BBS4: variants seen among roughly 807,000 people sequenced by gnomAD.
The protein encoded by BBS4 is Bardet-Biedl syndrome 4.
Under a neutral mutation model 71.4 loss-of-function variants are expected in BBS4, and 58 were observed. The observed-to-expected ratio is 0.81, with a 90% CI of 0.66 to 1.01. The LOEUF (loss-of-function observed/expected upper bound fraction) is 1.01. BBS4 is among the 50% of genes least tolerant of loss of function. The probability of loss-of-function intolerance (pLI) is 0.00; values close to 1 mark genes in which losing one functional copy is unlikely to be tolerated. For synonymous variants in BBS4, 228 were observed against 216.8 expected (o/e 1.05, Z -0.46); for missense variants, 660 against 607.9 (o/e 1.09, Z -0.90).
At chr15:72,735,263 C>A in intron 13 of BBS4, 81 bp downstream of exon 13, 1 of 1,084,104 alleles carries the variant, frequency 9.2e-7, no homozygotes, top group Non-Finnish European at 1.4e-6. Context: ...AGCATTGGTG[C>A]TGCCTGTGTC....
intron 15 of BBS4, 137 bp downstream of exon 15, chr15:72,737,100 A>C (rs2065941463): frequency 9.0e-7 from 1 of 1,110,166 alleles, no homozygotes; most frequent in East Asian, 2.4e-5. Context: ...GGAGAAAAAA[A>C]ACACAGGGTG....
At chr15:72,707,679 C>T (rs929210695) in intron 2 of BBS4, among the ~76,000 whole-genome samples, 3 of 152,112 alleles carry the variant, frequency 2.0e-5, no homozygotes, top group African/African-American at 7.2e-5. Context: ...CTTCCCTCTT[C>T]CTTCCTTGAG....
intron 6 of BBS4, among the ~76,000 whole-genome samples, chr15:72,718,169 T>C (rs943005261): frequency 2.6e-5 from 4 of 152,210 alleles, no homozygotes; most frequent in African/African-American, 9.6e-5. Flanking sequence ...TTTTATTATA[T>C]GTTCAGGACA....
intron 1 of BBS4, among the ~76,000 whole-genome samples, chr15:72,687,888 T>G (rs868844134): frequency 6.6e-6 from 1 of 150,512 alleles, no homozygotes; most frequent in Non-Finnish European, 1.5e-5. Flanking sequence ...GCCGAGATCG[T>G]GCCATTTCAC....
At chr15:72,689,587 G>C (rs2064943803) in intron 1 of BBS4, among the ~76,000 whole-genome samples, 1 of 152,022 alleles carries the variant, frequency 6.6e-6, no homozygotes. Flanking sequence ...ACAAAAATTA[G>C]CCAGACGTGG....
chr15:72,704,713 C>T (rs939814748), intron 2 of BBS4, among the ~76,000 whole-genome samples: 1 of 152,018 alleles, frequency 6.6e-6, no homozygotes, highest in Non-Finnish European at 1.5e-5. Context: ...AACCCCATTT[C>T]TACTAAAAAT....
Position 72,737,467 on chromosome 15 carries a change from T to G in BBS4, c.1451-11T>G. 6.2e-7 allele frequency: 1 copy of G among 1,604,176 alleles called. No individual in the cohort carries two copies. The highest frequency in any genetic ancestry group is 1.3e-5 in the African/African-American group (1 of 74,912). On this transcript the variant is annotated splice_polypyrimidine_tract_variant and intron_variant, in intron 15 of 15. Coordinates refer to ENST00000268057, the MANE Select transcript of BBS4 (RefSeq NM_033028.5). ...GGAACATGAGGATTCAAGTTTTTATTTTGTTACTAGGTGCTGGAGGAACAT... is the reference window on the plus strand; with the variant it reads ...GGAACATGAGGATTCAAGTTTTTATGTTGTTACTAGGTGCTGGAGGAACAT...
intron 7 of BBS4, among the ~76,000 whole-genome samples, chr15:72,723,285 G>C (rs1702020381): frequency 6.6e-6 from 1 of 152,074 alleles, no homozygotes; most frequent in Non-Finnish European, 1.5e-5. Context: ...TGATTTCTGA[G>C]TTTTCAGTTT....
At chr15:72,730,434 C>T (rs1163265660) in intron 10 of BBS4, among the ~76,000 whole-genome samples, 2 of 151,708 alleles carry the variant, frequency 1.3e-5, no homozygotes. Flanking sequence ...CCCATTTCTA[C>T]AAAAAAAATT....
chr15:72,736,479 A>G (rs1388892763), intron 14 of BBS4, among the ~76,000 whole-genome samples: 1 of 151,982 alleles, frequency 6.6e-6, no homozygotes, highest in South Asian at 2.1e-4. Flanking sequence ...TGACCTCGTG[A>G]TCCACGTGCC....
At position 72,715,403 on chromosome 15, in the gene BBS4, G is replaced by C; in HGVS notation, c.332+1G>C. 6.2e-7 allele frequency: 1 copy of C among 1,605,502 alleles called. No homozygotes were observed. The highest frequency in any genetic ancestry group is 8.5e-7 in the Non-Finnish European group (1 of 1,172,236). ...ACCTCAAGCAGGTGGCCAGATCTTT[G>C]TGAGTATTGGCAACCTGGAGGCCCT... On this transcript the variant is annotated splice_donor_variant, in intron 5 of 15. Coordinates refer to ENST00000268057, the MANE Select transcript of BBS4 (RefSeq NM_033028.5). LOFTEE classifies it high-confidence loss of function.
At chr15:72,723,928 C>A (rs977913665) in intron 7 of BBS4, among the ~76,000 whole-genome samples, 1 of 152,132 alleles carries the variant, frequency 6.6e-6, no homozygotes, top group African/African-American at 2.4e-5. Flanking sequence ...ACAGGCTAGG[C>A]AAATACAATA....
chr15:72,698,745 T>A (rs1200374690), intron 2 of BBS4, among the ~76,000 whole-genome samples: 1 of 152,222 alleles, frequency 6.6e-6, no homozygotes, highest in Non-Finnish European at 1.5e-5. Context: ...TGTCATTTCC[T>A]GTACTGTATA....
chr15:72,708,587 CA>C (rs894017965), intron 2 of BBS4, among the ~76,000 whole-genome samples: 1 of 152,070 alleles, frequency 6.6e-6, no homozygotes, highest in East Asian at 1.9e-4. Flanking sequence ...TTTTAGGGAA[CA>C]AGGGAAGACA....
chr15:72,719,877 G>A (rs965073728), intron 6 of BBS4, among the ~76,000 whole-genome samples: 1 of 151,256 alleles, frequency 6.6e-6, no homozygotes, highest in Non-Finnish European at 1.5e-5. Flanking sequence ...AGCCTCCTGA[G>A]TAGCTGGGAT....
In BBS4 at chr15:72,734,216, A is replaced by G. The variant is rs76969693; in HGVS notation, c.1037-897A>G. Among the ~76,000 whole-genome samples the G allele has an allele frequency of 2.3e-3, 350 of 152,294 alleles. 1 individual carries two copies. The highest frequency in any genetic ancestry group is 8.3e-3 in the African/African-American group (343 of 41,550). On this transcript the variant is annotated intron_variant, in intron 12 of 15. Transcript: ENST00000268057. ...TGTACATTGTCTGTTTACTGTGTTG[A>G]TAGTTTCTTTAGATAGCTGGGTTCT...
intron 1 of BBS4, chr15:72,686,622 C>T (rs2064848305): frequency 8.0e-7 from 1 of 1,257,394 alleles, no homozygotes; most frequent in Non-Finnish European, 1.1e-6. Context: ...GGGAATTTAA[C>T]ATGCCTGGAA....
At chr15:72,726,106 CCTTT>C (rs1365806636) in intron 8 of BBS4, among the ~76,000 whole-genome samples, 2 of 122,856 alleles carry the variant, frequency 1.6e-5, no homozygotes, top group Non-Finnish European at 3.9e-5. Flanking sequence ...TTTCTTCCTT[CCTTT>C]CTTTCCTTCC....
At chr15:72,735,458 G>T in intron 13 of BBS4, 1 of 526,118 alleles carries the variant, frequency 1.9e-6, no homozygotes, top group Non-Finnish European at 3.4e-6. Context: ...TGATAGCTAT[G>T]GGCTAGCTGG....
Sources: allele counts gnomAD v4.1 joint callset (sites outside exome capture counted in the v4.1 genomes callset), GRCh38; gene constraint gnomAD v4.1.1; transcripts MANE v1.5; gene names NCBI Gene and HGNC (gene_info 2026-07-23, HGNC 2026-07-21).